The following MAP3K9 variants were observed in gnomAD, a reference collection of about 807,000 sequenced individuals.
The protein encoded by MAP3K9 is mixed lineage kinase 1 (tyr and ser/thr specificity).
In MAP3K9, 46 loss-of-function variants were observed where a neutral mutation model predicts 95.8. The ratio of observed to expected loss-of-function variants is 0.48; its 90% CI spans 0.38 to 0.61. MAP3K9 has a LOEUF of 0.61. Among genes scored for constraint, MAP3K9 ranks in the 20% least tolerant of loss-of-function variants. MAP3K9 has a pLI of 0.00. For synonymous variants in MAP3K9, 533 were observed against 593.8 expected (o/e 0.90, Z 1.49); for missense variants, 1,296 against 1,474.3 (o/e 0.88, Z 1.98).
intron 2 of MAP3K9, among the ~76,000 whole-genome samples, chr14:70,790,883 C>G (rs12437113): frequency 0.14 from 21,515 of 152,076 alleles, 1,998 homozygotes; most frequent in East Asian, 0.3. Flanking sequence ...GCTACATCAT[C>G]GAAACAAGGT....
intron 2 of MAP3K9, among the ~76,000 whole-genome samples, chr14:70,780,921 T>C (rs377591672): frequency 6.6e-6 from 1 of 152,226 alleles, no homozygotes; most frequent in East Asian, 1.9e-4. Context: ...CAGGTGGCCA[T>C]GGGGTGCAGC....
At position 70,722,750 on chromosome 14, in the gene MAP3K9, A is replaced by G. The variant is rs2053770883; in HGVS notation, c.*7630T>C. On this transcript the variant is annotated 3_prime_UTR_variant, in exon 12 of 12. Transcript: ENST00000554752. ...ACTTTTTCATCTTTAAATATTGTTGACAACATACAATAACTTAAATCCCAA... is the reference window on the plus strand; with the variant it reads ...ACTTTTTCATCTTTAAATATTGTTGGCAACATACAATAACTTAAATCCCAA... 3 of 152,156 alleles carry G rather than the reference A, an allele frequency of 2.0e-5. No homozygotes were observed. Among genetic ancestry groups the G allele is most frequent in the Admixed American group, 2.0e-4 (3 of 15,282 alleles). The allele number at this position is 152,156 out of a possible 1,614,324, so 9.4% of individuals were successfully genotyped here. A position where few individuals can be genotyped will look rare whatever the true frequency, so the allele number is the denominator to read the frequency against.
chr14:70,798,198 C>T (rs1039136344), intron 2 of MAP3K9, among the ~76,000 whole-genome samples: 15 of 152,172 alleles, frequency 9.9e-5, no homozygotes, highest in African/African-American at 3.6e-4. Context: ...AAATACAAAT[C>T]TCATAAGAGG....
At position 70,728,765 on chromosome 14, in the gene MAP3K9, A is replaced by AC. The variant is rs1470564869; in HGVS notation, c.*1614dup. ...TCCCAGTTATAGAGAAAGAGCAGTG[A>AC]CCAATTCATCACTGTTGCCAGCTGC... On this transcript the variant is annotated 3_prime_UTR_variant, in exon 12 of 12. Coordinates refer to ENST00000554752, the MANE Select transcript of MAP3K9 (RefSeq NM_001284230.2). The AC allele has an allele frequency of 2.6e-5, 4 of 152,240 alleles. No individual in the cohort carries two copies. The highest frequency in any genetic ancestry group is 6.5e-5 in the Admixed American group (1 of 15,286). 9.4% of individuals were successfully genotyped at this position (152,240 alleles called of 1,614,324 possible).
intron 2 of MAP3K9, among the ~76,000 whole-genome samples, chr14:70,787,377 G>A (rs1440118663): frequency 1.1e-4 from 16 of 151,818 alleles, no homozygotes; most frequent in South Asian, 4.2e-4. Context: ...GTGTGGTGGC[G>A]GGCACCTGTA....
intron 2 of MAP3K9, among the ~76,000 whole-genome samples, chr14:70,778,441 A>G (rs936711948): frequency 6.6e-5 from 10 of 151,930 alleles, no homozygotes; most frequent in African/African-American, 2.4e-4. Context: ...ACACCTGGCT[A>G]ATTTTTGTGT....
At chr14:70,742,313 C>A in intron 6 of MAP3K9, 38 bp downstream of exon 6, 1 of 1,601,728 alleles carries the variant, frequency 6.2e-7, no homozygotes, top group Non-Finnish European at 8.5e-7. Context: ...GAGTTCTTTG[C>A]CCTGCTCCCA....
chr14:70,792,417 AT>A (rs1401889609), intron 2 of MAP3K9, among the ~76,000 whole-genome samples: 4 of 152,246 alleles, frequency 2.6e-5, no homozygotes, highest in African/African-American at 9.6e-5. Flanking sequence ...GAAGTATTTC[AT>A]TTGGAGAGGC....
At position 70,776,325 on chromosome 14, in the gene MAP3K9, T is replaced by C. The variant is rs147690924; in HGVS notation, c.821-15143A>G. ...CCCCAGGCATAATTTAGGACAAATA[T>C]GTGCTAAAAGCACCATGGCTGAGAC... On this transcript the variant is annotated intron_variant, in intron 2 of 11. Coordinates refer to ENST00000554752, the MANE Select transcript of MAP3K9 (RefSeq NM_001284230.2). 6.3e-3 allele frequency among the ~76,000 whole-genome samples: 967 copies of C among 152,316 alleles called. 11 individuals carry two copies. The highest frequency in any genetic ancestry group is 0.021 in the African/African-American group (879 of 41,562).
chr14:70,723,526 G>A lies in MAP3K9; in HGVS notation c.*6854C>T, dbSNP rs1233032849. On this transcript the variant is annotated 3_prime_UTR_variant, in exon 12 of 12. Transcript: ENST00000554752. ...AAAGGGCAATCTCAAAACCTCGGTG[G>A]ACCTGAGCTAGGCCAACTTTATCTC... is the stretch of plus-strand genomic sequence containing the variant. 1.3e-5 allele frequency: 2 copies of A among 152,200 alleles called. No homozygotes were observed. The highest frequency in any genetic ancestry group is 4.8e-5 in the African/African-American group (2 of 41,438). 9.4% of individuals were successfully genotyped at this position (152,200 alleles called of 1,614,324 possible). A position where few individuals can be genotyped will look rare whatever the true frequency, so the allele number is the denominator to read the frequency against.
At position 70,734,494 on chromosome 14, in the gene MAP3K9, T is replaced by G; in HGVS notation, c.1918A>C (p.Lys640Gln). 6.3e-7 allele frequency: 1 copy of G among 1,585,240 alleles called. No individual in the cohort carries two copies. Among genetic ancestry groups the G allele is most frequent in the East Asian group, 2.2e-5 (1 of 44,724 alleles). Residue 640 changes from lysine to glutamine, a missense_variant, in exon 10 of 12, where the codon AAG becomes CAG. By Grantham distance (53) the Lys-to-Gln change is moderately conservative. This residue lies in a region of MAP3K9 where 377 missense variants were observed against 417.1 expected (regional missense o/e 0.90). Transcript: ENST00000554752. ...TGCTTATATCCATCTACCAGGGACT[T>G]GAGGCTGAATCAGAGGAAAAGAGGA... ...SESPHFHLGL[K>Q]SLVDGYKQWS...
chr14:70,740,426 A>G (rs2054053821), intron 6 of MAP3K9, among the ~76,000 whole-genome samples: 2 of 152,238 alleles, frequency 1.3e-5, no homozygotes, highest in African/African-American at 4.8e-5. Context: ...TATAATGAAT[A>G]TAGTTCAAGC....
chr14:70,765,288 C>G (rs1183275486), intron 2 of MAP3K9, among the ~76,000 whole-genome samples: 5 of 152,190 alleles, frequency 3.3e-5, no homozygotes, highest in Non-Finnish European at 7.3e-5. Context: ...CACGATTGCA[C>G]CACTGCACTC....
rs1004744753 is a variant in MAP3K9 at position 70,724,860 on chromosome 14, G to A, written c.*5520C>T. The A allele has an allele frequency of 6.6e-6, 1 of 152,164 alleles. No individual in the cohort carries two copies. Among genetic ancestry groups the A allele is most frequent in the African/African-American group, 2.4e-5 (1 of 41,400 alleles). 9.4% of individuals were successfully genotyped at this position (152,164 alleles called of 1,614,324 possible). A position where few individuals can be genotyped will look rare whatever the true frequency, so the allele number is the denominator to read the frequency against. On this transcript the variant is annotated 3_prime_UTR_variant, in exon 12 of 12. Transcript: ENST00000554752. ...CTATCCCTCATGTTCCGGTAGGAGAGGCCTGTCTGTGCACCCCTGGAATGG... is the reference window on the plus strand; with the variant it reads ...CTATCCCTCATGTTCCGGTAGGAGAAGCCTGTCTGTGCACCCCTGGAATGG...
chr14:70,754,116 T>A (rs1160947311), intron 3 of MAP3K9, among the ~76,000 whole-genome samples: 1 of 152,226 alleles, frequency 6.6e-6, no homozygotes, highest in East Asian at 1.9e-4. Context: ...TGAACTAATA[T>A]ATGTGAAAGC....
chr14:70,757,456 GAA>G (rs35189989), intron 3 of MAP3K9, among the ~76,000 whole-genome samples: 4,592 of 113,982 alleles, frequency 0.04, 113 homozygotes, highest in Middle Eastern at 0.061. Flanking sequence ...GACCCTGTCC[GAA>G]AAAAAAAAAA....
intron 2 of MAP3K9, among the ~76,000 whole-genome samples, chr14:70,778,996 G>A (rs540244351): frequency 7.0e-5 from 10 of 142,248 alleles, no homozygotes; most frequent in African/African-American, 2.1e-4. Flanking sequence ...GTGCTGTAAC[G>A]AGAGGACAGG....
intron 2 of MAP3K9, among the ~76,000 whole-genome samples, chr14:70,794,591 TA>T (rs200431433): frequency 0.019 from 2,832 of 152,148 alleles, 38 homozygotes; most frequent in Non-Finnish European, 0.03. Flanking sequence ...TATCTAGGGG[TA>T]AAAATAAACA....
At chr14:70,736,140 C>T in intron 8 of MAP3K9, 111 bp from the exon 9 acceptor site, 1 of 760,040 alleles carries the variant, frequency 1.3e-6, no homozygotes, top group Non-Finnish European at 2.4e-6. Flanking sequence ...CAGCTGCCTT[C>T]CCACTGTCCA....
Sources: allele counts gnomAD v4.1 joint callset (sites outside exome capture counted in the v4.1 genomes callset), GRCh38; gene constraint gnomAD v4.1.1; regional missense constraint gnomAD v4.1.1; transcripts MANE v1.5; gene names NCBI Gene and HGNC (gene_info 2026-07-23, HGNC 2026-07-21).